Variants in IL12RB1 observed in about 807,000 individuals in gnomAD.
IL12RB1 encodes interleukin 12 receptor subunit beta 1.
In IL12RB1, 64 loss-of-function variants were observed where a neutral mutation model predicts 94.4. The observed-to-expected ratio is 0.68, with a 90% CI of 0.55 to 0.83. The LOEUF is 0.83. Among genes scored for constraint, IL12RB1 ranks in the 40% least tolerant of loss-of-function variants. The pLI is 0.00. For missense variants in IL12RB1, 814 were observed against 855.6 expected (o/e 0.95, Z 0.61); for synonymous variants, 362 against 355.5 (o/e 1.02, Z -0.21).
At chr19:18,073,418 TCATCTCCCTC>T (rs2035221229) in intron 8 of IL12RB1, 89 bp downstream of exon 8, 1 of 787,220 alleles carries the variant, frequency 1.3e-6, no homozygotes, top group Admixed American at 1.8e-5. Context: ...CCTCTACATC[TCATCTCCCTC>T]CATCTACCAC....
chr19:18,073,524 T>G lies in IL12RB1; in HGVS notation c.776A>C (p.Lys259Thr), dbSNP rs2035231957. 1.2e-6 allele frequency: 2 copies of G among 1,604,554 alleles called. No homozygotes were observed. The highest frequency in any genetic ancestry group is 1.7e-6 in the Non-Finnish European group (2 of 1,171,432). Residue 259 changes from lysine to threonine, a missense_variant, in exon 8 of 17, where the codon AAA becomes ACA. Physicochemically the swap from Lys to Thr is moderately conservative, Grantham distance 78 (BLOSUM62 -1). Transcript: ENST00000593993. ...GQDGRRRLTL[K>T]EQPTQLELPE... ...CTGTGACAGCCCCGTTACCTGCTCTTTCAGGGTCAGCCGCCTCCTCCCATC... is the reference window on the plus strand; with the variant it reads ...CTGTGACAGCCCCGTTACCTGCTCTGTCAGGGTCAGCCGCCTCCTCCCATC...
At chr19:18,086,699 C>T in intron 1 of IL12RB1, 61 bp downstream of exon 1, 5 of 1,529,396 alleles carry the variant, frequency 3.3e-6, no homozygotes, top group Non-Finnish European at 4.5e-6. Flanking sequence ...CACAGCTCTC[C>T]ACACATACAC....
chr19:18,087,061 C>A, upstream of IL12RB1: 1 of 782,990 alleles, frequency 1.3e-6, no homozygotes, highest in South Asian at 1.8e-5. Context: ...GACTCTGGAG[C>A]AAGTCTGACT....
Position 18,063,908 on chromosome 19 carries a change from C to A in IL12RB1, c.1586G>T (p.Gly529Val). The change falls in exon 13 of 17, where the codon GGT becomes GTT. Residue 529 changes from glycine to valine, a missense_variant. Gly to Val is a moderately radical substitution (Grantham distance 109). Transcript: ENST00000593993. Reference sequence around the variant, plus strand: ...GAAGCGCTGGGGCTGGCTCCAGACACCCCTCAGCCACGCTGTGTCTGCTCG... The same window carrying A: ...GAAGCGCTGGGGCTGGCTCCAGACAACCCTCAGCCACGCTGTGTCTGCTCG... ...QVRADTAWLR[G>V]VWSQPQRFSI... 1 of 1,613,516 alleles carries A rather than the reference C, an allele frequency of 6.2e-7. No individual in the cohort carries two copies. Among genetic ancestry groups the A allele is most frequent in the Admixed American group, 1.7e-5 (1 of 59,972 alleles).
intron 12 of IL12RB1, among the ~76,000 whole-genome samples, chr19:18,065,400 C>T (rs533295078): frequency 2.2e-4 from 34 of 152,290 alleles, no homozygotes; most frequent in Admixed American, 2.2e-3. Context: ...CTGGTGCCCA[C>T]CCAGCCTTCT....
chr19:18,080,342 G>A (rs528170801), intron 4 of IL12RB1, among the ~76,000 whole-genome samples: 8 of 152,060 alleles, frequency 5.3e-5, no homozygotes, highest in Non-Finnish European at 1.0e-4. Flanking sequence ...GGGTTCAAGC[G>A]ATTCTCCTGC....
chr19:18,077,397 G>C (rs1042623065), intron 5 of IL12RB1, 119 bp downstream of exon 5: 7 of 792,984 alleles, frequency 8.8e-6, no homozygotes, highest in Non-Finnish European at 1.3e-5. Flanking sequence ...AACCACCTCA[G>C]GGGCTAGAGT....
intron 2 of IL12RB1, 182 bp downstream of exon 2, chr19:18,083,250 T>C (rs2036039513): frequency 1.4e-6 from 1 of 696,898 alleles, no homozygotes; most frequent in Non-Finnish European, 2.6e-6. Context: ...GGCGGCTGGC[T>C]ACTCCAGGGC....
At chr19:18,091,079 C>G (rs1002371730), upstream of IL12RB1, among the ~76,000 whole-genome samples, 3 of 152,080 alleles carry the variant, frequency 2.0e-5, no homozygotes, top group African/African-American at 7.2e-5. Context: ...GCCTGGCTTT[C>G]TCCGAGGGCG....
chr19:18,066,493 C>T (rs897370759), intron 12 of IL12RB1, 49 bp downstream of exon 12: 2 of 1,355,774 alleles, frequency 1.5e-6, no homozygotes, highest in Non-Finnish European at 1.1e-6. Context: ...AGATCACAGG[C>T]CAGGATCCTC....
intron 12 of IL12RB1, among the ~76,000 whole-genome samples, chr19:18,066,312 T>G (rs426906): frequency 0.38 from 57,738 of 151,792 alleles, 11,388 homozygotes; most frequent in African/African-American, 0.42. Flanking sequence ...TCTCCAAGTT[T>G]GTCAGGCTGG....
intron 5 of IL12RB1, among the ~76,000 whole-genome samples, chr19:18,077,158 G>A (rs1263673034): frequency 6.6e-6 from 1 of 152,158 alleles, no homozygotes; most frequent in African/African-American, 2.4e-5. Context: ...AGGAGTTTGA[G>A]ACCAGCCTGG....
chr19:18,073,510 C>G lies in IL12RB1; in HGVS notation c.783+7G>C. On this transcript the variant is annotated splice_region_variant and intron_variant, in intron 8 of 16. Transcript: ENST00000593993. ...GCCACCCCACAGCCCTGTGACAGCCCCGTTACCTGCTCTTTCAGGGTCAGC... is the reference window on the plus strand; with the variant it reads ...GCCACCCCACAGCCCTGTGACAGCCGCGTTACCTGCTCTTTCAGGGTCAGC... The G allele has an allele frequency of 2.5e-6, 4 of 1,585,220 alleles. No homozygotes were observed. Among genetic ancestry groups the G allele is most frequent in the Non-Finnish European group, 3.5e-6 (4 of 1,153,834 alleles).
chr19:18,059,861 C>T (rs1410752928), intron 16 of IL12RB1, 33 bp downstream of exon 16: 1 of 1,300,634 alleles, frequency 7.7e-7, no homozygotes, highest in Non-Finnish European at 1.1e-6. Flanking sequence ...CAGGGTTGCA[C>T]CCCTGACCGT....
intron 15 of IL12RB1, among the ~76,000 whole-genome samples, chr19:18,060,305 C>A (rs768955739): frequency 6.6e-6 from 1 of 152,064 alleles, no homozygotes; most frequent in Non-Finnish European, 1.5e-5. Context: ...ATGGCCAAAC[C>A]CCATCTCTAC....
At chr19:18,081,720 T>G (rs1199696666) in intron 3 of IL12RB1, among the ~76,000 whole-genome samples, 1 of 151,716 alleles carries the variant, frequency 6.6e-6, no homozygotes, top group Non-Finnish European at 1.5e-5. Flanking sequence ...CTCAGGAGGC[T>G]GAGGCAGGAA....
chr19:18,066,169 A>G (rs2034566327), intron 12 of IL12RB1, among the ~76,000 whole-genome samples: 1 of 151,824 alleles, frequency 6.6e-6, no homozygotes, highest in African/African-American at 2.4e-5. Context: ...GTGCACTGGT[A>G]CAATCTCGGC....
intron 1 of IL12RB1, 113 bp downstream of exon 1, chr19:18,086,647 G>A (rs2036361078): frequency 1.0e-6 from 1 of 989,120 alleles, no homozygotes; most frequent in Non-Finnish European, 1.5e-6. Context: ...CAGCAGGAAA[G>A]ACTGAGGCAC....
At chr19:18,061,368 T>C (rs942762755) in intron 14 of IL12RB1, among the ~76,000 whole-genome samples, 171 bp from the exon 15 acceptor site, 1 of 151,974 alleles carries the variant, frequency 6.6e-6, no homozygotes, top group Non-Finnish European at 1.5e-5. Context: ...GTAGCTGAGA[T>C]TACAAACGTG....
Sources: allele counts gnomAD v4.1 joint callset (sites outside exome capture counted in the v4.1 genomes callset), GRCh38; gene constraint gnomAD v4.1.1; transcripts MANE v1.5; gene names NCBI Gene and HGNC (gene_info 2026-07-23, HGNC 2026-07-21).